The following ENOX2 variants were observed in gnomAD, a reference collection of about 807,000 sequenced individuals.
ENOX2 encodes APK1 antigen.
ENOX2 carries 36 observed loss-of-function variants against 45.0 expected under a neutral mutation model. The observed-to-expected ratio is 0.80, with a 90% CI of 0.61 to 1.06. The LOEUF is 1.06. Ranked by LOEUF, ENOX2 falls within the 50% of genes least tolerant of loss-of-function variation. The pLI is 0.00. For synonymous variants in ENOX2, 174 were observed against 152.3 expected (o/e 1.14, Z -1.05); for missense variants, 423 against 462.5 (o/e 0.91, Z 0.78).
intron 14 of ENOX2, among the ~76,000 whole-genome samples, chrX:130,626,318 T>C (rs193286941): frequency 5.4e-5 from 6 of 112,048 alleles, no homozygotes; most frequent in Admixed American, 3.8e-4. Context: ...TTCCAGGGTA[T>C]CATATAGAGT....
intron 2 of ENOX2, among the ~76,000 whole-genome samples, chrX:130,805,189 C>T (rs192536939): frequency 1.8e-5 from 2 of 111,708 alleles, no homozygotes; most frequent in Non-Finnish European, 3.8e-5. Flanking sequence ...TATAGCAGCC[C>T]GAACAGACTA....
intron 2 of ENOX2, among the ~76,000 whole-genome samples, chrX:130,874,713 CACA>C (rs2078660278): frequency 9.0e-6 from 1 of 111,662 alleles, no homozygotes. Flanking sequence ...AAACAAAAAA[CACA>C]ACAACACATA....
At chrX:130,759,421 G>A (rs1270847298) in intron 3 of ENOX2, among the ~76,000 whole-genome samples, 7 of 108,542 alleles carry the variant, frequency 6.4e-5, no homozygotes, top group East Asian at 2.9e-4. Context: ...GTGAAACCCC[G>A]ACTCTACTAA....
intron 10 of ENOX2, among the ~76,000 whole-genome samples, chrX:130,654,859 G>A (rs1003992085): frequency 1.8e-5 from 2 of 112,093 alleles, no homozygotes; most frequent in East Asian, 2.8e-4. Flanking sequence ...TAACTCAAAA[G>A]AGACACAGAA....
At chrX:130,781,547 A>G (rs773562101) in intron 3 of ENOX2, among the ~76,000 whole-genome samples, 3 of 111,972 alleles carry the variant, frequency 2.7e-5, no homozygotes, top group Non-Finnish European at 5.6e-5. Flanking sequence ...CACCCTCATG[A>G]GTTAACTGCA....
At chrX:130,823,672 T>G (rs956228762) in intron 2 of ENOX2, among the ~76,000 whole-genome samples, 9 of 111,947 alleles carry the variant, frequency 8.0e-5, no homozygotes, top group Non-Finnish European at 1.5e-4. Context: ...GTCACCAACT[T>G]TGGTGTTACA....
chrX:130,792,663 C>T (rs1056469532), intron 2 of ENOX2, among the ~76,000 whole-genome samples: 1 of 110,899 alleles, frequency 9.0e-6, no homozygotes, highest in African/African-American at 3.3e-5. Flanking sequence ...CATGGTGGCA[C>T]GCGCCTGTAA....
In ENOX2 at chrX:130,705,971, G is replaced by A. The variant is rs895357096; in HGVS notation, c.-38-2717C>T. On this transcript the variant is annotated intron_variant, in intron 3 of 14. Transcript: ENST00000394363. ...AGTGTCTGCAAGCCTAATCTCTCAT[G>A]GCCGTGTGACAAGAACCTGGTTCTT... 6.3e-5 allele frequency among the ~76,000 whole-genome samples: 7 copies of A among 111,676 alleles called. No homozygotes were observed. The Admixed American group carries it at 6.6e-4, about 11-fold the overall frequency.
intron 12 of ENOX2, among the ~76,000 whole-genome samples, chrX:130,633,330 G>A (rs1464231911): frequency 8.9e-6 from 1 of 112,323 alleles, no homozygotes; most frequent in Non-Finnish European, 1.9e-5. Flanking sequence ...CTAATGTGAT[G>A]GTACTTTGCT....
chrX:130,702,237 G>A (rs1200107273), intron 4 of ENOX2, among the ~76,000 whole-genome samples: 3 of 111,202 alleles, frequency 2.7e-5, no homozygotes, highest in Non-Finnish European at 5.7e-5. Flanking sequence ...GTGTGCCTGC[G>A]AAGCACCTGG....
At chrX:130,876,896 C>T (rs2078714518) in intron 2 of ENOX2, among the ~76,000 whole-genome samples, 1 of 111,712 alleles carries the variant, frequency 9.0e-6, no homozygotes, top group Non-Finnish European at 1.9e-5. Flanking sequence ...CTACCGTATA[C>T]TAGAGACTGT....
chrX:130,746,395 T>C (rs765550465), intron 3 of ENOX2, among the ~76,000 whole-genome samples: 2 of 111,957 alleles, frequency 1.8e-5, no homozygotes, highest in South Asian at 7.6e-4. Context: ...CATAGCTTCA[T>C]CTTTCCTTAT....
In ENOX2 at chrX:130,635,082, T is replaced by A; in HGVS notation, c.1321A>T (p.Lys441Ter). ...ALQGMQQHLL[K>*]VQEEYKKKEA... ...TTCTTTTTGTATTCCTCTTGGACTT[T>A]GAGTAGATGCTACAAGAAAAGACCA... The change falls in exon 12 of 15, where the codon AAA (lysine) becomes TAA (stop). Residue 441 changes from lysine (K) to a stop codon, truncating the protein, a stop_gained. Coordinates refer to ENST00000394363, the MANE Select transcript of ENOX2 (RefSeq NM_006375.4). LOFTEE classifies it high-confidence loss of function. 1.8e-6 allele frequency: 2 copies of A among 1,114,358 alleles called. No homozygotes were observed. Among genetic ancestry groups the A allele is most frequent in the Non-Finnish European group, 2.5e-6 (2 of 814,336 alleles). The allele number at this position is 1,114,358 out of a possible 1,213,427, so 91.8% of individuals were successfully genotyped here. A position where few individuals can be genotyped will look rare whatever the true frequency, so the allele number is the denominator to read the frequency against.
chrX:130,896,354 G>GA (rs201780754), intron 2 of ENOX2, among the ~76,000 whole-genome samples: 43 of 104,318 alleles, frequency 4.1e-4, no homozygotes, highest in African/African-American at 8.7e-4. Flanking sequence ...ATCCCACTGA[G>GA]AAAAAAAAAA....
At chrX:130,890,161 T>G (rs2078963949) in intron 2 of ENOX2, among the ~76,000 whole-genome samples, 1 of 111,818 alleles carries the variant, frequency 8.9e-6, no homozygotes, top group Admixed American at 9.5e-5. Context: ...ATTTTTTTTT[T>G]GTTAGCTTCT....
intron 6 of ENOX2, among the ~76,000 whole-genome samples, chrX:130,678,024 T>C (rs1399750136): frequency 9.2e-6 from 1 of 108,229 alleles, no homozygotes; most frequent in African/African-American, 3.4e-5. Context: ...GAGGCGGAGG[T>C]TGCGGTGAGC....
At chrX:130,656,145 A>G (rs975263271) in intron 10 of ENOX2, among the ~76,000 whole-genome samples, 2 of 111,919 alleles carry the variant, frequency 1.8e-5, no homozygotes, top group Non-Finnish European at 3.8e-5. Flanking sequence ...AGTCTTCTGG[A>G]TATTTTATTA....
At chrX:130,858,436 A>G (rs1226102646) in intron 2 of ENOX2, among the ~76,000 whole-genome samples, 1 of 110,866 alleles carries the variant, frequency 9.0e-6, no homozygotes, top group Non-Finnish European at 1.9e-5. Flanking sequence ...GCATTTTTAC[A>G]TTTCTACCTA....
At chrX:130,709,130 C>T (rs1008651627) in intron 3 of ENOX2, 29 of 601,242 alleles carry the variant, frequency 4.8e-5, no homozygotes, top group Non-Finnish European at 6.8e-5. Context: ...CGACACAAAC[C>T]TCATTTACTT....
Sources: gnomAD v4.1 joint callset for allele counts (sites outside exome capture counted in the v4.1 genomes callset) on GRCh38, gnomAD v4.1.1 for gene constraint, MANE v1.5 for transcripts, NCBI Gene and HGNC (gene_info 2026-07-23, HGNC 2026-07-21) for gene names.